ZNF670: variants seen among roughly 807,000 people sequenced by gnomAD.
ZNF670 encodes the protein zinc finger protein 670.
In ZNF670, 7 loss-of-function variants were observed where a neutral mutation model predicts 10.9. The ratio of observed to expected loss-of-function variants is 0.64; its 90% CI spans 0.36 to 1.20. The LOEUF (loss-of-function observed/expected upper bound fraction) is 1.20, where lower values mean the gene tolerates loss of function less well. Ranked by LOEUF, ZNF670 falls within the 50% of genes most tolerant of loss-of-function variation. ZNF670 has a pLI of 0.02. For missense variants in ZNF670, 446 were observed against 458.6 expected (o/e 0.97, Z 0.25); for synonymous variants, 136 against 152.7 (o/e 0.89, Z 0.81).
At chr1:247,045,692 G>A (rs550564344) in intron 1 of ZNF670, among the ~76,000 whole-genome samples, 1 of 152,306 alleles carries the variant, frequency 6.6e-6, no homozygotes, top group Admixed American at 6.5e-5. Flanking sequence ...TGAGGAGTGG[G>A]GTGTTGCTAT....
intron 1 of ZNF670, among the ~76,000 whole-genome samples, chr1:247,056,088 C>G (rs1467627242): frequency 1.4e-5 from 2 of 147,996 alleles, no homozygotes; most frequent in Non-Finnish European, 1.5e-5. Flanking sequence ...CAACACCCTA[C>G]TTTTAGCATT....
chr1:247,053,056 G>T (rs980336494), intron 1 of ZNF670, among the ~76,000 whole-genome samples: 2 of 152,152 alleles, frequency 1.3e-5, no homozygotes, highest in African/African-American at 4.8e-5. Context: ...CATACAGGCT[G>T]CCAGGGAAGT....
intron 1 of ZNF670, among the ~76,000 whole-genome samples, chr1:247,072,506 C>T (rs61852639): frequency 0.063 from 9,482 of 151,490 alleles, 417 homozygotes; most frequent in South Asian, 0.19. Flanking sequence ...AACCACAGGC[C>T]AGGCTCAGTG....
chr1:247,053,498 T>C (rs1670644475), intron 1 of ZNF670, among the ~76,000 whole-genome samples: 1 of 152,050 alleles, frequency 6.6e-6, no homozygotes, highest in Non-Finnish European at 1.5e-5. Context: ...TAGCCGGGCA[T>C]GGTGGCAGGC....
chr1:247,054,894 C>T (rs1670681045), intron 1 of ZNF670, among the ~76,000 whole-genome samples: 1 of 152,088 alleles, frequency 6.6e-6, no homozygotes, highest in Non-Finnish European at 1.5e-5. Flanking sequence ...ACAATGGATA[C>T]ATAAAATATA....
intron 1 of ZNF670, among the ~76,000 whole-genome samples, chr1:247,074,704 C>T (rs1363472736): frequency 6.6e-6 from 1 of 152,068 alleles, no homozygotes; most frequent in Non-Finnish European, 1.5e-5. Flanking sequence ...AGATCCCTCC[C>T]ATGCACAGTT....
chr1:247,045,904 GT>G (rs1310917375), intron 1 of ZNF670, among the ~76,000 whole-genome samples: 1 of 152,160 alleles, frequency 6.6e-6, no homozygotes, highest in African/African-American at 2.4e-5. Context: ...AAATGACAAA[GT>G]TTTGGTGAGC....
At position 247,035,524 on chromosome 1, in the gene ZNF670, T is replaced by C. The variant is rs1670129298; in HGVS notation, c.*1925A>G. 6.6e-6 allele frequency among the ~76,000 whole-genome samples: 1 copy of C among 152,194 alleles called. No homozygotes were observed. The highest frequency in any genetic ancestry group is 2.4e-5 in the African/African-American group (1 of 41,448). On this transcript the variant is annotated 3_prime_UTR_variant, in exon 4 of 4. Transcript: ENST00000366503. ...TATGTTAGGCTACAGACTGATAAGA[T>C]CAAAATAGTATGTTATAATGCCATA...
chr1:247,053,756 C>T (rs1670653476), intron 1 of ZNF670, among the ~76,000 whole-genome samples: 1 of 152,114 alleles, frequency 6.6e-6, no homozygotes. Context: ...AACAAACAAA[C>T]AAAAAACCTA....
intron 1 of ZNF670, among the ~76,000 whole-genome samples, chr1:247,040,461 T>C (rs2103052430): frequency 6.6e-6 from 1 of 151,810 alleles, no homozygotes; most frequent in African/African-American, 2.4e-5. Context: ...ATTCCATCAA[T>C]CCCCAAAACA....
intron 1 of ZNF670, among the ~76,000 whole-genome samples, chr1:247,070,771 T>C (rs1399947041): frequency 6.6e-6 from 1 of 152,082 alleles, no homozygotes; most frequent in South Asian, 2.1e-4. Flanking sequence ...TATAAGAAAC[T>C]TGAACTAATC....
In ZNF670 at chr1:247,037,346, A is replaced by C; in HGVS notation, c.*103T>G. The C allele has an allele frequency of 1.5e-5, 21 of 1,377,504 alleles. No homozygotes were observed. Among genetic ancestry groups the C allele is most frequent in the Non-Finnish European group, 2.0e-5 (21 of 1,032,380 alleles). 85.3% of individuals were successfully genotyped at this position (1,377,504 alleles called of 1,614,324 possible). ...CCTTACATGTGTTGGGTTTCTCTCT[A>C]ATTTGAGTTTTTAATTTTTTCACGT... On this transcript the variant is annotated 3_prime_UTR_variant, in exon 4 of 4. Transcript: ENST00000366503.
intron 1 of ZNF670, among the ~76,000 whole-genome samples, chr1:247,053,371 G>A (rs534285884): frequency 2.0e-5 from 3 of 152,296 alleles, no homozygotes; most frequent in South Asian, 2.1e-4. Context: ...GGTGGCTCAC[G>A]CCTGTAATCC....
intron 1 of ZNF670, among the ~76,000 whole-genome samples, chr1:247,071,293 A>T (rs905234490): frequency 6.6e-6 from 1 of 152,274 alleles, no homozygotes; most frequent in Non-Finnish European, 1.5e-5. Context: ...ACACAGCCAT[A>T]GAAAAAAGCA....
chr1:247,053,581 A>G (rs577240201), intron 1 of ZNF670, among the ~76,000 whole-genome samples: 1 of 152,342 alleles, frequency 6.6e-6, no homozygotes, highest in African/African-American at 2.4e-5. Context: ...GCTTGCAGTG[A>G]GCCGAGATCG....
chr1:247,067,662 G>A (rs1671017733), intron 1 of ZNF670, among the ~76,000 whole-genome samples: 1 of 148,500 alleles, frequency 6.7e-6, no homozygotes, highest in Non-Finnish European at 1.5e-5. Flanking sequence ...CTAAAACGGT[G>A]AAACCCCGTC....
chr1:247,061,355 GTA>G (rs1670855725), intron 1 of ZNF670, among the ~76,000 whole-genome samples: 1 of 151,890 alleles, frequency 6.6e-6, no homozygotes, highest in South Asian at 2.1e-4. Flanking sequence ...TAATCTTTTT[GTA>G]TTTTTAGTAG....
intron 1 of ZNF670, among the ~76,000 whole-genome samples, chr1:247,054,470 C>G (rs571020148): frequency 6.6e-6 from 1 of 152,314 alleles, no homozygotes; most frequent in Non-Finnish European, 1.5e-5. Flanking sequence ...AGCTCAGCTC[C>G]AGTAGGATAG....
At chr1:247,052,944 T>A (rs1670632148) in intron 1 of ZNF670, among the ~76,000 whole-genome samples, 1 of 152,138 alleles carries the variant, frequency 6.6e-6, no homozygotes, top group South Asian at 2.1e-4. Context: ...GAGCTCAGAC[T>A]CTCCTTGGGA....
Sources: gnomAD v4.1 joint callset for allele counts (sites outside exome capture counted in the v4.1 genomes callset) on GRCh38, gnomAD v4.1.1 for gene constraint, MANE v1.5 for transcripts, NCBI Gene and HGNC (gene_info 2026-07-23, HGNC 2026-07-21) for gene names.